Variants in HSBP1 observed in about 807,000 individuals in gnomAD.
HSBP1 encodes the protein heat shock factor-binding protein 1.
A neutral mutation model predicts 9.6 loss-of-function variants in HSBP1; 5 were observed. The observed-to-expected ratio is 0.52, with a 90% CI of 0.27 to 1.09. The LOEUF (loss-of-function observed/expected upper bound fraction) is 1.09. Among genes scored for constraint, HSBP1 ranks in the 50% least tolerant of loss-of-function variants. HSBP1 has a pLI of 0.11. For missense variants in HSBP1, 121 were observed against 96.3 expected, an observed-to-expected ratio of 1.26 and a Z score of -1.07; for synonymous variants, 42 against 33.3, an observed-to-expected ratio of 1.26 and a Z score of -0.90.
intron 1 of HSBP1, 198 bp downstream of exon 1, chr16:83,808,319 C>T (rs1252476389): frequency 5.3e-6 from 3 of 568,804 alleles, no homozygotes; most frequent in Non-Finnish European, 3.1e-6. Flanking sequence ...CCGCGGGCGC[C>T]CCCAAGCCCG....
At chr16:83,808,241 T>A in intron 1 of HSBP1, 120 bp downstream of exon 1, 1 of 856,760 alleles carries the variant, frequency 1.2e-6, no homozygotes, top group Non-Finnish European at 1.8e-6. Context: ...GCCCCGTTTC[T>A]GGAAGCGTCT....
At chr16:83,808,815 T>C in intron 2 of HSBP1, 69 bp downstream of exon 2, 1 of 1,121,672 alleles carries the variant, frequency 8.9e-7, no homozygotes. Flanking sequence ...GTGGTGGGGA[T>C]AAATGAGTAG....
At chr16:83,808,228 G>A in intron 1 of HSBP1, 107 bp downstream of exon 1, 1 of 965,528 alleles carries the variant, frequency 1.0e-6, no homozygotes, top group Non-Finnish European at 1.5e-6. Context: ...GGCGTCTGCC[G>A]AGGCCCCGTT....
In HSBP1 at chr16:83,808,751, C is replaced by T. The variant is rs750121389; in HGVS notation, c.112+5C>T. On this transcript the variant is annotated splice_donor_5th_base_variant and intron_variant, in intron 2 of 3. Transcript: ENST00000433866. Reference sequence around the variant, plus strand: ...CTGACCAGATCATTGGGAGAAATATCCTTTTTATCTGCAGTCGGCCTCCTG... The same window carrying T: ...CTGACCAGATCATTGGGAGAAATATTCTTTTTATCTGCAGTCGGCCTCCTG... 1 of 1,605,690 alleles carries T rather than the reference C, an allele frequency of 6.2e-7. No homozygotes were observed. Among genetic ancestry groups the T allele is most frequent in the Non-Finnish European group, 8.5e-7 (1 of 1,173,672 alleles).
At chr16:83,808,166 G>A in intron 1 of HSBP1, 45 bp downstream of exon 1, 1 of 1,512,100 alleles carries the variant, frequency 6.6e-7, no homozygotes, top group South Asian at 1.2e-5. Flanking sequence ...CTTCCCGGGC[G>A]GCGCCGGGCC....
In HSBP1 at chr16:83,817,331, T is replaced by G. The variant is rs1032174299; in HGVS notation, c.*5913T>G. 6.6e-6 allele frequency: 1 copy of G among 152,202 alleles called. No homozygotes were observed. The highest frequency in any genetic ancestry group is 2.4e-5 in the African/African-American group (1 of 41,452). 9.4% of individuals were successfully genotyped at this position (152,202 alleles called of 1,614,324 possible). A position where few individuals can be genotyped will look rare whatever the true frequency, so the allele number is the denominator to read the frequency against. ...CCATGTGTCACGCATGCCCCAACAATTTGTGTCCCAACTGTTTGAATCAAA... is the reference window on the plus strand; with the variant it reads ...CCATGTGTCACGCATGCCCCAACAAGTTGTGTCCCAACTGTTTGAATCAAA... On this transcript the variant is annotated 3_prime_UTR_variant, in exon 4 of 4. Transcript: ENST00000433866.
rs559833364 is a variant in HSBP1, at chr16:83,818,634, T to C, written c.*7216T>C. 15 of 152,346 alleles carry C rather than the reference T, an allele frequency of 9.8e-5. No homozygotes were observed. The highest frequency in any genetic ancestry group is 3.6e-4 in the African/African-American group (15 of 41,578). The allele number at this position is 152,346 out of a possible 1,614,324, so 9.4% of individuals were successfully genotyped here. Reference sequence around the variant, plus strand: ...TAAACACCACTGAGATGTTAAGGTCTTTCTTGGGAACCACCGTGATGTTCT... The same window carrying C: ...TAAACACCACTGAGATGTTAAGGTCCTTCTTGGGAACCACCGTGATGTTCT... On this transcript the variant is annotated 3_prime_UTR_variant, in exon 4 of 4. Transcript: ENST00000433866.
Position 83,819,359 on chromosome 16 carries a change from G to C in HSBP1, c.*7941G>C, listed in dbSNP as rs1904789827. On this transcript the variant is annotated 3_prime_UTR_variant, in exon 4 of 4. Transcript: ENST00000433866. ...GAGTGTGGGCGATGCTCCCATGCTG[G>C]GAGTCTCAGGCCTGGGCTAGTCCTA... The C allele has an allele frequency of 6.6e-6, 1 of 152,062 alleles. No homozygotes were observed. Among genetic ancestry groups the C allele is most frequent in the East Asian group, 1.9e-4 (1 of 5,198 alleles). The allele number at this position is 152,062 out of a possible 1,614,324, so 9.4% of individuals were successfully genotyped here.
In HSBP1 at chr16:83,808,766, T is replaced by A. The variant is rs751558189; in HGVS notation, c.112+20T>A. On this transcript the variant is annotated intron_variant, in intron 2 of 3. Coordinates refer to ENST00000433866, the MANE Select transcript of HSBP1 (RefSeq NM_001537.4). ...GGAGAAATATCCTTTTTATCTGCAGTCGGCCTCCTGTGGGCCTTTGGAGCC... is the reference window on the plus strand; with the variant it reads ...GGAGAAATATCCTTTTTATCTGCAGACGGCCTCCTGTGGGCCTTTGGAGCC... 177 of 1,595,268 alleles carry A rather than the reference T, an allele frequency of 1.1e-4. 1 individual carries two copies. Among genetic ancestry groups the A allele is most frequent in the Middle Eastern group, 6.6e-4 (4 of 6,030 alleles).
intron 3 of HSBP1, among the ~76,000 whole-genome samples, chr16:83,810,937 A>G (rs1487927407): frequency 6.6e-6 from 1 of 152,214 alleles, no homozygotes; most frequent in Admixed American, 6.5e-5. Context: ...GTCACTGTGA[A>G]ATACAGATTT....
rs759955600 is a variant in HSBP1, at chr16:83,808,754, T to G, written c.112+8T>G. The G allele has an allele frequency of 6.2e-7, 1 of 1,604,564 alleles. No homozygotes were observed. ...ACCAGATCATTGGGAGAAATATCCT[T>G]TTTATCTGCAGTCGGCCTCCTGTGG... On this transcript the variant is annotated splice_region_variant and intron_variant, in intron 2 of 3. Transcript: ENST00000433866.
rs918691459 is a variant in HSBP1 at position 83,808,874 on chromosome 16, G to C, written c.112+128G>C. ...CACTTGTAGAATTTGAGCTTGGATTGTACTGTGTTTCTGAGAAGGACTGCG... is the reference window on the plus strand; with the variant it reads ...CACTTGTAGAATTTGAGCTTGGATTCTACTGTGTTTCTGAGAAGGACTGCG... On this transcript the variant is annotated intron_variant, in intron 2 of 3. Coordinates refer to ENST00000433866, the MANE Select transcript of HSBP1 (RefSeq NM_001537.4). The C allele has an allele frequency of 7.0e-6, 5 of 714,190 alleles. No individual in the cohort carries two copies. The South Asian group carries it at 7.2e-5, about 10-fold the overall frequency. The allele number at this position is 714,190 out of a possible 1,614,324, so 44.2% of individuals were successfully genotyped here.
At chr16:83,808,329 G>A in intron 1 of HSBP1, 1 of 557,598 alleles carries the variant, frequency 1.8e-6, no homozygotes, top group Non-Finnish European at 3.1e-6. Context: ...CCCCAAGCCC[G>A]ACCCCTTCCA....
intron 2 of HSBP1, 44 bp from the exon 3 acceptor site, chr16:83,809,261 A>G (rs369931197): frequency 1.6e-6 from 2 of 1,225,494 alleles, no homozygotes; most frequent in Non-Finnish European, 2.4e-6. Context: ...GGGAGGAAAA[A>G]GGCTCAATGA....
rs1400157918 is a variant in HSBP1 at position 83,811,787 on chromosome 16, A to T, written c.*369A>T. On this transcript the variant is annotated 3_prime_UTR_variant, in exon 4 of 4. Transcript: ENST00000433866. Reference sequence around the variant, plus strand: ...TGATTTTTTATTAAACAAATAGTAAACCCTTCAATTATAGTTAGTCTTGGT... The same window carrying T: ...TGATTTTTTATTAAACAAATAGTAATCCCTTCAATTATAGTTAGTCTTGGT... 1 of 152,088 alleles carries T rather than the reference A, an allele frequency of 6.6e-6. No homozygotes were observed. The highest frequency in any genetic ancestry group is 2.4e-5 in the African/African-American group (1 of 41,420). The allele number at this position is 152,088 out of a possible 1,614,324, so 9.4% of individuals were successfully genotyped here. A position where few individuals can be genotyped will look rare whatever the true frequency, so the allele number is the denominator to read the frequency against.
intron 3 of HSBP1, among the ~76,000 whole-genome samples, chr16:83,811,015 G>A (rs1904588645): frequency 6.6e-6 from 1 of 152,184 alleles, no homozygotes; most frequent in Non-Finnish European, 1.5e-5. Flanking sequence ...TTCACTGTGT[G>A]AGTAAATCAC....
chr16:83,816,970 A>G lies in HSBP1; in HGVS notation c.*5552A>G, dbSNP rs1020665279. 6.6e-6 allele frequency: 1 copy of G among 152,202 alleles called. No homozygotes were observed. Among genetic ancestry groups the G allele is most frequent in the East Asian group, 1.9e-4 (1 of 5,190 alleles). 9.4% of individuals were successfully genotyped at this position (152,202 alleles called of 1,614,324 possible). The stretch of plus-strand genomic sequence containing the variant: ...AACTTCTAGATTATAAACACTGGTA[A>G]CACTGGAGATGGTTAAATCGGAATT... On this transcript the variant is annotated 3_prime_UTR_variant, in exon 4 of 4. Transcript: ENST00000433866.
Position 83,818,532 on chromosome 16 carries a change from G to A in HSBP1, c.*7114G>A, listed in dbSNP as rs912576841. 6.6e-6 allele frequency: 1 copy of A among 152,152 alleles called. No individual in the cohort carries two copies. Among genetic ancestry groups the A allele is most frequent in the South Asian group, 2.1e-4 (1 of 4,822 alleles). 9.4% of individuals were successfully genotyped at this position (152,152 alleles called of 1,614,324 possible). A position where few individuals can be genotyped will look rare whatever the true frequency, so the allele number is the denominator to read the frequency against. Reference sequence around the variant, plus strand: ...CTTGAAGAATCCCTTTTATCCTAACGCTGACTAATAAACTGGTGAGAACTG... The same window carrying A: ...CTTGAAGAATCCCTTTTATCCTAACACTGACTAATAAACTGGTGAGAACTG... On this transcript the variant is annotated 3_prime_UTR_variant, in exon 4 of 4. Coordinates refer to ENST00000433866, the MANE Select transcript of HSBP1 (RefSeq NM_001537.4).
In HSBP1 at chr16:83,808,017, G is replaced by T. The variant is rs1049931294; in HGVS notation, c.-60G>T. On this transcript the variant is annotated 5_prime_UTR_variant, in exon 1 of 4. Transcript: ENST00000433866. ...AAGCAGCGGCCCGGGGCGACTGAGCGGACAAACGGAAGTGTAGGTTACGGT... is the reference window on the plus strand; with the variant it reads ...AAGCAGCGGCCCGGGGCGACTGAGCTGACAAACGGAAGTGTAGGTTACGGT... 26 of 1,439,362 alleles carry T rather than the reference G, an allele frequency of 1.8e-5. No homozygotes were observed. In the South Asian group the frequency reaches 2.2e-4, roughly 12 times the overall value. 89.2% of individuals were successfully genotyped at this position (1,439,362 alleles called of 1,614,324 possible). A position where few individuals can be genotyped will look rare whatever the true frequency, so the allele number is the denominator to read the frequency against.
Sources: allele counts gnomAD v4.1 joint callset (sites outside exome capture counted in the v4.1 genomes callset), GRCh38; gene constraint gnomAD v4.1.1; transcripts MANE v1.5; gene names NCBI Gene and HGNC (gene_info 2026-07-23, HGNC 2026-07-21).